Variants in CALD1 observed in about 807,000 individuals in gnomAD.
CALD1 encodes caldesmon 1.
In CALD1, 33 loss-of-function variants were observed where a neutral mutation model predicts 99.9. That is an observed-to-expected ratio of 0.33 (90% confidence interval 0.25 to 0.44). The LOEUF (loss-of-function observed/expected upper bound fraction) is 0.44, where lower values mean the gene tolerates loss of function less well. Ranked by LOEUF, CALD1 falls within the 20% of genes least tolerant of loss-of-function variation. The probability of loss-of-function intolerance (pLI) is 1.00; values close to 1 mark genes in which losing one functional copy is unlikely to be tolerated. For missense variants in CALD1, 861 were observed against 962.1 expected (o/e 0.89, Z 1.39); for synonymous variants, 310 against 325.0 (o/e 0.95, Z 0.50).
chr7:134,833,957 C>A (rs756055256), intron 1 of CALD1, among the ~76,000 whole-genome samples: 74 of 152,314 alleles, frequency 4.9e-4, no homozygotes, highest in Non-Finnish European at 8.7e-4. Context: ...TAGAGGAAGA[C>A]AAATAGGCCT....
chr7:134,890,452 A>G (rs188393753), intron 3 of CALD1, among the ~76,000 whole-genome samples: 156 of 152,222 alleles, frequency 1.0e-3, no homozygotes, highest in Non-Finnish European at 1.6e-3. Context: ...AGCGCTCTCA[A>G]TGTGTGAAGT....
At chr7:134,932,209 T>A (rs754513097) in intron 4 of CALD1, among the ~76,000 whole-genome samples, 3 of 152,186 alleles carry the variant, frequency 2.0e-5, no homozygotes, top group Non-Finnish European at 2.9e-5. Flanking sequence ...TGAGTGGTGA[T>A]CACTCCCCCC....
intron 3 of CALD1, among the ~76,000 whole-genome samples, chr7:134,878,218 G>T (rs1801438168): frequency 6.6e-6 from 1 of 152,168 alleles, no homozygotes. Context: ...AGACTCTCAG[G>T]TAAAGGTGTC....
chr7:134,878,442 G>A (rs531858904), intron 3 of CALD1, among the ~76,000 whole-genome samples: 25 of 152,158 alleles, frequency 1.6e-4, no homozygotes, highest in African/African-American at 4.6e-4. Context: ...AGTAGTGGGC[G>A]CCTGTAATTC....
rs151053114 is a variant in CALD1 at position 134,853,279 on chromosome 7, G to C, written c.-42+9308G>C. Among the ~76,000 whole-genome samples the C allele has an allele frequency of 1.0e-3, 155 of 152,306 alleles. 2 individuals carry two copies. The highest frequency in any genetic ancestry group is 1.0e-4 in the Non-Finnish European group (7 of 68,020). ...TCCTCACCCACCTATTTAGGAGAGA[G>C]AAGTGGAAAGGAATTTTATTTATCT... On this transcript the variant is annotated intron_variant, in intron 2 of 14. Transcript: ENST00000361675.
intron 1 of CALD1, among the ~76,000 whole-genome samples, chr7:134,811,284 T>G (rs1170357182): frequency 6.6e-6 from 1 of 152,180 alleles, no homozygotes; most frequent in Admixed American, 6.5e-5. Flanking sequence ...TACTAACACT[T>G]CTAATATTAT....
At chr7:134,732,775 C>T in the CALD1 span, among the ~76,000 whole-genome samples, 257 of 152,322 alleles carry the variant, frequency 1.7e-3, no homozygotes, top group Admixed American at 4.0e-3. Flanking sequence ...ACCACATAAT[C>T]CCATGCTATA....
intron 11 of CALD1, 47 bp downstream of exon 11, chr7:134,958,337 TCTGA>T: frequency 7.1e-7 from 1 of 1,414,466 alleles, no homozygotes; most frequent in East Asian, 2.3e-5. Flanking sequence ...AGAAATAGAT[TCTGA>T]CTACATAGAA....
intron 3 of CALD1, among the ~76,000 whole-genome samples, chr7:134,890,216 ACTCTGATGAC>A (rs1456770145): frequency 6.6e-5 from 10 of 152,200 alleles, no homozygotes; most frequent in Admixed American, 6.5e-4. Flanking sequence ...ATAAACTACG[ACTCTGATGAC>A]CGCATAGTAT....
chr7:134,900,122 C>A (rs1044134973), intron 3 of CALD1: 12 of 151,382 alleles, frequency 7.9e-5, no homozygotes, highest in African/African-American at 2.9e-4. Context: ...TCCCTTTTGT[C>A]CTTTAAAGAG....
chr7:134,757,289 C>T (rs762269284), intron 1 of CALD1, among the ~76,000 whole-genome samples: 1 of 152,178 alleles, frequency 6.6e-6, no homozygotes, highest in African/African-American at 2.4e-5. Flanking sequence ...TGAATGACGA[C>T]CCCTGGAGTT....
the CALD1 span, among the ~76,000 whole-genome samples, chr7:134,725,842 G>A: frequency 6.6e-6 from 1 of 152,168 alleles, no homozygotes; most frequent in Non-Finnish European, 1.5e-5. Flanking sequence ...ACGCAGAGGA[G>A]AAGGTGCTAC....
At chr7:134,879,575 T>A (rs551462232) in intron 3 of CALD1, among the ~76,000 whole-genome samples, 2 of 152,360 alleles carry the variant, frequency 1.3e-5, no homozygotes, top group South Asian at 2.1e-4. Flanking sequence ...AACTTTTTTT[T>A]AAACCTTTTA....
intron 6 of CALD1, among the ~76,000 whole-genome samples, chr7:134,937,732 C>T (rs1363623364): frequency 6.6e-6 from 1 of 151,732 alleles, no homozygotes; most frequent in East Asian, 1.9e-4. Flanking sequence ...CAAGTAAACA[C>T]AAACATCACG....
intron 3 of CALD1, among the ~76,000 whole-genome samples, chr7:134,918,282 A>G (rs554382897): frequency 1.3e-5 from 2 of 152,346 alleles, no homozygotes; most frequent in African/African-American, 4.8e-5. Context: ...AGAAAATGGC[A>G]CCAATTGAAA....
chr7:134,949,020 CTG>C (rs1403873765), intron 8 of CALD1, among the ~76,000 whole-genome samples: 2 of 152,166 alleles, frequency 1.3e-5, no homozygotes, highest in African/African-American at 2.4e-5. Flanking sequence ...CTGGACTACT[CTG>C]TGTCTTCTTT....
intron 1 of CALD1, among the ~76,000 whole-genome samples, chr7:134,755,710 CTT>C (rs1360230610): frequency 2.6e-5 from 4 of 152,130 alleles, no homozygotes; most frequent in African/African-American, 7.2e-5. Flanking sequence ...TACTCTGTCT[CTT>C]GTCTTTACAT....
At chr7:134,820,048 C>A (rs908635140) in intron 1 of CALD1, among the ~76,000 whole-genome samples, 11 of 152,160 alleles carry the variant, frequency 7.2e-5, no homozygotes, top group African/African-American at 2.2e-4. Flanking sequence ...TGTTAATGTG[C>A]TTCTTTTTTC....
chr7:134,793,255 T>A (rs1479624469), intron 1 of CALD1, among the ~76,000 whole-genome samples: 2 of 152,250 alleles, frequency 1.3e-5, no homozygotes, highest in African/African-American at 4.8e-5. Flanking sequence ...TCCGTCATTT[T>A]TATATATGCT....
Sources: allele counts gnomAD v4.1 joint callset (sites outside exome capture counted in the v4.1 genomes callset), GRCh38; gene constraint gnomAD v4.1.1; transcripts MANE v1.5; gene names NCBI Gene and HGNC (gene_info 2026-07-23, HGNC 2026-07-21).